TNC: variants seen among roughly 807,000 people sequenced by gnomAD.
The protein encoded by TNC is tenascin C, also known as tenascin.
TNC carries 109 observed loss-of-function variants against 202.4 expected under a neutral mutation model. That is an observed-to-expected ratio of 0.54 (90% CI 0.46 to 0.63). TNC has a LOEUF of 0.63. Ranked by LOEUF, TNC falls within the 30% of genes least tolerant of loss-of-function variation. TNC has a pLI of 0.00. For synonymous variants in TNC, 1,007 were observed against 1,089.7 expected (o/e 0.92, Z 1.50); for missense variants, 2,756 against 2,833.3 (o/e 0.97, Z 0.62).
chr9:115,084,880 G>A (rs148363146), intron 3 of TNC, among the ~76,000 whole-genome samples: 36 of 152,276 alleles, frequency 2.4e-4, no homozygotes, highest in African/African-American at 7.5e-4. Context: ...TTATATTATA[G>A]AGGTGAGTAA....
chr9:115,086,522 A>G lies in TNC; in HGVS notation c.1209T>C (p.Cys403=). The G allele has an allele frequency of 6.2e-7, 1 of 1,613,614 alleles. No individual in the cohort carries two copies. Among genetic ancestry groups the G allele is most frequent in the Admixed American group, 1.7e-5 (1 of 59,988 alleles). The change falls in exon 3 of 28, where the codon TGT becomes TGC. Residue 403 remains cysteine, a synonymous_variant. Coordinates refer to ENST00000350763, the MANE Select transcript of TNC (RefSeq NM_002160.4). ...ECDDGFTGAD[C]GELKCPNGCS... is the part of the protein sequence containing the mutation. ...AGCCATTGGGACACTTGAGCTCCCC[A>G]CAGTCAGCTCCAGTGAAACCATCAT...
chr9:115,057,011 G>T, intron 15 of TNC, 142 bp downstream of exon 15: 2 of 985,308 alleles, frequency 2.0e-6, no homozygotes, highest in Non-Finnish European at 2.9e-6. Context: ...AAAGAGTTAT[G>T]TTAAACAGCA....
chr9:115,100,720 C>A (rs10982531), intron 1 of TNC, among the ~76,000 whole-genome samples: 2 of 152,108 alleles, frequency 1.3e-5, no homozygotes, highest in African/African-American at 4.8e-5. Flanking sequence ...TAGTAGTAGA[C>A]CTTAAGTGTC....
intron 1 of TNC, among the ~76,000 whole-genome samples, chr9:115,094,166 G>A (rs1210363276): frequency 2.0e-5 from 3 of 152,166 alleles, no homozygotes; most frequent in Non-Finnish European, 2.9e-5. Context: ...TGTCAAGCTC[G>A]TAGTAGGCAC....
At chr9:115,039,049 T>G (rs553826978) in intron 19 of TNC, among the ~76,000 whole-genome samples, 1 of 152,246 alleles carries the variant, frequency 6.6e-6, no homozygotes, top group African/African-American at 2.4e-5. Context: ...AGGCTGGTCT[T>G]GAACACCTGA....
intron 14 of TNC, 60 bp from the exon 15 acceptor site, chr9:115,057,485 T>C (rs1832226463): frequency 1.3e-6 from 2 of 1,502,548 alleles, no homozygotes; most frequent in Non-Finnish European, 1.8e-6. Flanking sequence ...TATTTGGCTG[T>C]GTTTTAAGAT....
rs557094576 is a variant in TNC, at chr9:115,077,989, G to A, written c.2628C>T (p.Arg876=). 14 of 1,614,216 alleles carry A rather than the reference G, an allele frequency of 8.7e-6. No homozygotes were observed. Among genetic ancestry groups the A allele is most frequent in the African/African-American group, 6.7e-5 (5 of 75,066 alleles). Residue 876 remains arginine (R), a synonymous_variant, in exon 7 of 28, where the codon CGC becomes CGT. Coordinates refer to ENST00000350763, the MANE Select transcript of TNC (RefSeq NM_002160.4). Reference sequence around the variant, plus strand: ...CTGGGTTGCTTGACATGTCACCTCTGCGGGAGATGAGGGACACCTCGTACT... The same window carrying A: ...CTGGGTTGCTTGACATGTCACCTCTACGGGAGATGAGGGACACCTCGTACT... ...DTEYEVSLIS[R]RGDMSSNPAK...
chr9:115,074,633 A>G (rs1833706007), intron 9 of TNC, among the ~76,000 whole-genome samples: 2 of 152,248 alleles, frequency 1.3e-5, no homozygotes, highest in African/African-American at 4.8e-5. Flanking sequence ...GAGATGAAGA[A>G]CAGATAAATG....
chr9:115,082,655 T>C (rs1834389352), intron 5 of TNC, 37 bp downstream of exon 5: 1 of 1,474,520 alleles, frequency 6.8e-7, no homozygotes, highest in Non-Finnish European at 9.5e-7. Flanking sequence ...TTTCAAATCC[T>C]TGAGATCAAA....
At chr9:115,036,936 T>A (rs1830378676) in intron 20 of TNC, among the ~76,000 whole-genome samples, 1 of 152,152 alleles carries the variant, frequency 6.6e-6, no homozygotes, top group Non-Finnish European at 1.5e-5. Flanking sequence ...ACTTACCTCA[T>A]CATTTGTGAG....
chr9:115,022,611 G>T (rs1004788858), intron 27 of TNC, among the ~76,000 whole-genome samples: 1 of 151,762 alleles, frequency 6.6e-6, no homozygotes, highest in Non-Finnish European at 1.5e-5. Context: ...TGTATTATAC[G>T]AGTATTTTTG....
At chr9:115,085,674 C>T (rs1392039638) in intron 3 of TNC, among the ~76,000 whole-genome samples, 190 bp downstream of exon 3, 2 of 152,160 alleles carry the variant, frequency 1.3e-5, no homozygotes, top group Non-Finnish European at 2.9e-5. Flanking sequence ...TTAAATAGGT[C>T]ACCTTGTAAC....
Position 115,090,555 on chromosome 9 carries a change from C to A in TNC, c.457+7G>T. 6.4e-7 allele frequency: 1 copy of A among 1,563,610 alleles called. No individual in the cohort carries two copies. Among genetic ancestry groups the A allele is most frequent in the Non-Finnish European group, 8.7e-7 (1 of 1,153,404 alleles). ...AGTGTGGGACTGGGCGGGCCACCAG[C>A]TCATACCTGTGGCAGGCTGGAGACA... On this transcript the variant is annotated splice_region_variant and intron_variant, in intron 2 of 27. Coordinates refer to ENST00000350763, the MANE Select transcript of TNC (RefSeq NM_002160.4).
At chr9:115,021,295 G>C (rs1158591032) in intron 27 of TNC, 28 bp from the exon 28 acceptor site, 1 of 1,557,378 alleles carries the variant, frequency 6.4e-7, no homozygotes, top group Non-Finnish European at 8.8e-7. Flanking sequence ...GAGAGAGAGA[G>C]AGAGAGAGAG....
Position 115,090,950 on chromosome 9 carries a change from C to A in TNC, c.69G>T (p.Gly23=), listed in dbSNP as rs779652011. The change falls in exon 2 of 28, where the codon GGG becomes GGT. Residue 23 remains glycine (G), a synonymous_variant. Transcript: ENST00000350763. The stretch of plus-strand genomic sequence containing the variant: ...TGTGCCGGATGACTTTCTTGAGGAC[C>A]CCACCTTCGGTAGCGAGGGCAAGGA... The part of the protein sequence containing the change: ...LAFLALATEG[G]VLKKVIRHKR... The A allele has an allele frequency of 6.2e-7, 1 of 1,614,110 alleles. No homozygotes were observed. Among genetic ancestry groups the A allele is most frequent in the South Asian group, 1.1e-5 (1 of 91,082 alleles).
chr9:115,090,229 G>A (rs772110402), intron 2 of TNC, among the ~76,000 whole-genome samples: 23 of 152,062 alleles, frequency 1.5e-4, no homozygotes, highest in Admixed American at 5.2e-4. Flanking sequence ...ATTTCATGGC[G>A]TACTCATAGG....
rs770685046 is a variant in TNC at position 115,035,223 on chromosome 9, G to A, written c.5768C>T (p.Ser1923Leu). The change falls in exon 22 of 28, where the codon TCA becomes TTA. Residue 1923 changes from serine (S) to leucine (L), a missense_variant. Ser to Leu is a moderately radical substitution (Grantham distance 145). Coordinates refer to ENST00000350763, the MANE Select transcript of TNC (RefSeq NM_002160.4). ...SVTGYLLVYE[S>L]VDGTVKEVIV... ...AAATACCTTGACTGTGCCATCCACT[G>A]ATTCATAGACCAGCAGGTAACCGGT... The A allele has an allele frequency of 1.2e-6, 2 of 1,612,680 alleles. No individual in the cohort carries two copies. Among genetic ancestry groups the A allele is most frequent in the Non-Finnish European group, 1.7e-6 (2 of 1,179,424 alleles).
At chr9:115,030,106 C>T in intron 24 of TNC, 148 bp downstream of exon 24, 1 of 762,822 alleles carries the variant, frequency 1.3e-6, no homozygotes. Flanking sequence ...TTCCTGAGTG[C>T]CTCTGTGTGA....
At chr9:115,081,067 C>T (rs1193645351) in intron 6 of TNC, among the ~76,000 whole-genome samples, 1 of 152,068 alleles carries the variant, frequency 6.6e-6, no homozygotes, top group South Asian at 2.1e-4. Flanking sequence ...CAACATTCTA[C>T]ATAAACCAGA....
Sources: allele counts gnomAD v4.1 joint callset (sites outside exome capture counted in the v4.1 genomes callset), GRCh38; gene constraint gnomAD v4.1.1; transcripts MANE v1.5; gene names NCBI Gene and HGNC (gene_info 2026-07-23, HGNC 2026-07-21).